Variants in SYN3 observed in about 807,000 individuals in gnomAD.
SYN3 encodes synapsin III.
In SYN3, 35 loss-of-function variants were observed where a neutral mutation model predicts 65.8. The observed-to-expected ratio is 0.53, with a 90% CI of 0.41 to 0.70. The LOEUF is 0.70. SYN3 is among the 30% of genes least tolerant of loss of function. The pLI is 0.00. For missense variants in SYN3, 680 were observed against 749.0 expected, an observed-to-expected ratio of 0.91 and a Z score of 1.08; for synonymous variants, 270 against 292.9, an observed-to-expected ratio of 0.92 and a Z score of 0.80.
At chr22:33,031,940 GGA>G (rs1302221130) in intron 1 of SYN3, among the ~76,000 whole-genome samples, 5 of 152,178 alleles carry the variant, frequency 3.3e-5, no homozygotes, top group Admixed American at 6.5e-5. Flanking sequence ...CAGGCATGGA[GGA>G]TCACGCCTGT....
chr22:32,541,050 C>G (rs1031700070), intron 8 of SYN3, among the ~76,000 whole-genome samples: 1 of 152,026 alleles, frequency 6.6e-6, no homozygotes, highest in Non-Finnish European at 1.5e-5. Context: ...TAGTAAATTC[C>G]CTTTAAAAAC....
intron 7 of SYN3, among the ~76,000 whole-genome samples, chr22:32,587,406 C>A (rs1434388822): frequency 6.6e-6 from 1 of 151,976 alleles, no homozygotes; most frequent in Admixed American, 6.6e-5. Context: ...CTCCCTCCCC[C>A]TGAACACCTC....
intron 6 of SYN3, among the ~76,000 whole-genome samples, chr22:32,671,315 C>T (rs1231090204): frequency 2.0e-5 from 3 of 150,598 alleles, no homozygotes; most frequent in Non-Finnish European, 4.4e-5. Context: ...CATTCACACA[C>T]CTCCTGTCAC....
intron 2 of SYN3, among the ~76,000 whole-genome samples, chr22:32,991,789 C>T (rs898283901): frequency 2.0e-5 from 3 of 152,192 alleles, no homozygotes; most frequent in African/African-American, 7.2e-5. Context: ...CACTCCTGTC[C>T]CTTCTGCAAA....
chr22:32,758,630 C>A (rs1391884463), intron 6 of SYN3, among the ~76,000 whole-genome samples: 1 of 128,090 alleles, frequency 7.8e-6, no homozygotes, highest in Non-Finnish European at 1.6e-5. Context: ...AGCTTGCAGA[C>A]AGCCCCTATT....
chr22:33,020,764 C>G (rs890064166), intron 1 of SYN3, among the ~76,000 whole-genome samples: 1 of 152,006 alleles, frequency 6.6e-6, no homozygotes, highest in Non-Finnish European at 1.5e-5. Context: ...CACTCTGGTG[C>G]TGGACACAGG....
intron 4 of SYN3, among the ~76,000 whole-genome samples, chr22:32,906,213 T>C (rs1382651053): frequency 6.6e-6 from 1 of 152,130 alleles, no homozygotes; most frequent in Non-Finnish European, 1.5e-5. Flanking sequence ...CATTTCTCAG[T>C]GTGTGCTCCT....
rs1361766033 is a variant in SYN3 at position 32,508,265 on chromosome 22, T to C, written c.*5427A>G. On this transcript the variant is annotated 3_prime_UTR_variant, in exon 14 of 14. Transcript: ENST00000358763. ...GTGATTAACCCTGTAAATTTCCTTC[T>C]TCTGGCTCAGAAGCTCCCGCACTGA... Among the ~76,000 whole-genome samples, 1 of 152,174 alleles carries C rather than the reference T, an allele frequency of 6.6e-6. No individual in the cohort carries two copies.
Position 32,646,193 on chromosome 22 carries a change from C to G in SYN3, c.712-49457G>C, listed in dbSNP as rs139386197. ...TGCATGGAATGGATCCCTGGCTCAA[C>G]AGCAACCTGTGTGGACCATCAGCTG... On this transcript the variant is annotated intron_variant, in intron 6 of 13. Coordinates refer to ENST00000358763, the MANE Select transcript of SYN3 (RefSeq NM_003490.4). Among the ~76,000 whole-genome samples, 262 of 152,266 alleles carry G rather than the reference C, an allele frequency of 1.7e-3. 1 individual carries two copies. Among genetic ancestry groups the G allele is most frequent in the African/African-American group, 6.0e-3 (248 of 41,544 alleles).
intron 8 of SYN3, among the ~76,000 whole-genome samples, chr22:32,540,978 AT>A (rs2146235155): frequency 6.6e-6 from 1 of 152,344 alleles, no homozygotes; most frequent in Non-Finnish European, 1.5e-5. Flanking sequence ...TCTGAAATTG[AT>A]AATTGAGTTG....
chr22:32,687,868 G>A (rs1036470211), intron 6 of SYN3, among the ~76,000 whole-genome samples: 6 of 152,204 alleles, frequency 3.9e-5, no homozygotes, highest in South Asian at 4.1e-4. Context: ...TGTAAGTGTC[G>A]GCTGTTGTGA....
intron 6 of SYN3, among the ~76,000 whole-genome samples, chr22:32,835,865 G>A (rs551114515): frequency 6.6e-6 from 1 of 152,290 alleles, no homozygotes; most frequent in Admixed American, 6.5e-5. Flanking sequence ...ACCATTGGAT[G>A]AGATTCTTAG....
chr22:32,765,975 C>T (rs1346209988), intron 6 of SYN3, among the ~76,000 whole-genome samples: 1 of 152,194 alleles, frequency 6.6e-6, no homozygotes, highest in Non-Finnish European at 1.5e-5. Flanking sequence ...ACTAGGCTTC[C>T]TCTTCCAGCT....
intron 6 of SYN3, among the ~76,000 whole-genome samples, chr22:32,714,891 G>A (rs1172297540): frequency 1.3e-5 from 2 of 152,098 alleles, no homozygotes; most frequent in South Asian, 2.1e-4. Context: ...ATCATACTTA[G>A]CATATAGTAG....
chr22:32,509,317 T>C lies in SYN3; in HGVS notation c.*4375A>G, dbSNP rs536541324. Among the ~76,000 whole-genome samples the C allele has an allele frequency of 1.4e-4, 21 of 152,302 alleles. 1 individual carries two copies. In the South Asian group the frequency reaches 4.4e-3, roughly 32 times the overall value. ...CTTGGAGGGAAAATGCTAGCCTCTCTCTGGCTCAAAGTTGTGAAACAAAGC... is the reference window on the plus strand; with the variant it reads ...CTTGGAGGGAAAATGCTAGCCTCTCCCTGGCTCAAAGTTGTGAAACAAAGC... On this transcript the variant is annotated 3_prime_UTR_variant, in exon 14 of 14. Transcript: ENST00000358763.
chr22:32,520,173 G>T (rs917169627), intron 12 of SYN3, among the ~76,000 whole-genome samples: 5 of 152,122 alleles, frequency 3.3e-5, no homozygotes, highest in Non-Finnish European at 7.4e-5. Context: ...AAGAGATGGG[G>T]TCTCTGTCAC....
intron 7 of SYN3, among the ~76,000 whole-genome samples, chr22:32,565,900 GATAGCGTTTCATCATGT>G (rs2058666839): frequency 6.6e-6 from 1 of 152,008 alleles, no homozygotes; most frequent in African/African-American, 2.4e-5. Context: ...TTCTAGTGGA[GATAGCGTTTCATCATGT>G]TAACCAGGAT....
intron 3 of SYN3, among the ~76,000 whole-genome samples, chr22:32,956,324 T>G (rs2146857978): frequency 6.6e-6 from 1 of 151,850 alleles, no homozygotes; most frequent in Middle Eastern, 3.4e-3. Context: ...CCCAGCTAAT[T>G]TTTGTATTTT....
At chr22:33,043,238 C>T (rs921590487) in intron 1 of SYN3, among the ~76,000 whole-genome samples, 1 of 152,124 alleles carries the variant, frequency 6.6e-6, no homozygotes, top group Non-Finnish European at 1.5e-5. Context: ...AAGGTTAGTG[C>T]GGCATACTGT....
Sources: allele counts gnomAD v4.1 joint callset (sites outside exome capture counted in the v4.1 genomes callset), GRCh38; gene constraint gnomAD v4.1.1; transcripts MANE v1.5; gene names NCBI Gene and HGNC (gene_info 2026-07-23, HGNC 2026-07-21).